ARHGAP24: variants seen among roughly 807,000 people sequenced by gnomAD.
ARHGAP24 encodes the protein Rho GTPase activating protein 24.
Under a neutral mutation model 76.4 loss-of-function variants are expected in ARHGAP24, and 50 were observed. The ratio of observed to expected loss-of-function variants is 0.65; its 90% CI spans 0.52 to 0.83. The LOEUF (loss-of-function observed/expected upper bound fraction) is 0.83, where lower values mean the gene tolerates loss of function less well. Ranked by LOEUF, ARHGAP24 falls within the 40% of genes least tolerant of loss-of-function variation. The pLI, the probability that ARHGAP24 is intolerant of heterozygous loss-of-function variation, is 0.00. For synonymous variants in ARHGAP24, 345 were observed against 323.3 expected (o/e 1.07, Z -0.72); for missense variants, 930 against 914.2 (o/e 1.02, Z -0.22).
At chr4:85,929,603 TG>T (rs780743065) in intron 4 of ARHGAP24, among the ~76,000 whole-genome samples, 14 of 152,280 alleles carry the variant, frequency 9.2e-5, no homozygotes, top group Non-Finnish European at 1.5e-4. Context: ...AAAACAGAAT[TG>T]GTTTGCAAAC....
chr4:85,724,366 A>G (rs1379807709), intron 3 of ARHGAP24, among the ~76,000 whole-genome samples: 5 of 152,162 alleles, frequency 3.3e-5, no homozygotes, highest in East Asian at 1.9e-4. Context: ...AAAACTAACA[A>G]AAGCCTCTAG....
chr4:85,918,140 A>G (rs565094728), intron 3 of ARHGAP24, among the ~76,000 whole-genome samples: 2 of 152,162 alleles, frequency 1.3e-5, no homozygotes, highest in Admixed American at 6.6e-5. Context: ...AGAGCAAAAA[A>G]TCTCCCAATC....
chr4:85,890,559 C>G (rs576122950), intron 3 of ARHGAP24, among the ~76,000 whole-genome samples: 1 of 152,308 alleles, frequency 6.6e-6, no homozygotes, highest in East Asian at 1.9e-4. Context: ...AAGTGAAAAT[C>G]TCAACCTCAG....
chr4:85,636,396 T>G (rs1279353749), intron 2 of ARHGAP24, among the ~76,000 whole-genome samples: 2 of 152,012 alleles, frequency 1.3e-5, no homozygotes, highest in South Asian at 2.1e-4. Flanking sequence ...GACACTTGAG[T>G]GTTCTGCTGT....
chr4:85,713,290 A>C (rs1244239034), intron 2 of ARHGAP24, among the ~76,000 whole-genome samples: 3 of 152,140 alleles, frequency 2.0e-5, no homozygotes, highest in Non-Finnish European at 2.9e-5. Context: ...TGGGTGAAAG[A>C]GTCAGACCCT....
At position 85,619,128 on chromosome 4, in the gene ARHGAP24, A is replaced by C. The variant is rs530387909; in HGVS notation, c.180+48407A>C. Among the ~76,000 whole-genome samples, 4 of 152,130 alleles carry C rather than the reference A, an allele frequency of 2.6e-5. No individual in the cohort carries two copies. The South Asian group carries it at 8.3e-4, about 32-fold the overall frequency. On this transcript the variant is annotated intron_variant, in intron 2 of 9. Coordinates refer to ENST00000395184, the MANE Select transcript of ARHGAP24 (RefSeq NM_001025616.3). ...GCATTTAAACCTTTAATTCATTTTGAGTTAATTTTTGTATATAGTGTAAGA... is the reference window on the plus strand; with the variant it reads ...GCATTTAAACCTTTAATTCATTTTGCGTTAATTTTTGTATATAGTGTAAGA...
At chr4:85,966,173 A>G (rs1325926467) in intron 5 of ARHGAP24, among the ~76,000 whole-genome samples, 1 of 152,118 alleles carries the variant, frequency 6.6e-6, no homozygotes, top group Non-Finnish European at 1.5e-5. Flanking sequence ...CATTTTATAA[A>G]AGCCCTAATC....
At chr4:85,575,043 T>C (rs945244051) in intron 2 of ARHGAP24, among the ~76,000 whole-genome samples, 5 of 152,188 alleles carry the variant, frequency 3.3e-5, no homozygotes, top group African/African-American at 9.6e-5. Context: ...TAGCCAACAA[T>C]ACCTGGCAAT....
At chr4:85,492,757 T>G (rs1723409814) in intron 1 of ARHGAP24, among the ~76,000 whole-genome samples, 1 of 152,224 alleles carries the variant, frequency 6.6e-6, no homozygotes, top group Non-Finnish European at 1.5e-5. Flanking sequence ...GCAAAATGTA[T>G]TCCCATATAA....
chr4:85,494,482 C>T (rs1027828848), intron 1 of ARHGAP24, among the ~76,000 whole-genome samples: 6 of 151,700 alleles, frequency 4.0e-5, no homozygotes, highest in Admixed American at 6.6e-5. Flanking sequence ...GTCAAGAGAT[C>T]GAGACCATCC....
intron 1 of ARHGAP24, among the ~76,000 whole-genome samples, chr4:85,562,776 G>A (rs982095861): frequency 1.3e-5 from 2 of 152,156 alleles, no homozygotes; most frequent in Non-Finnish European, 2.9e-5. Flanking sequence ...CAGGAATGGC[G>A]TGATTGGGAC....
intron 3 of ARHGAP24, among the ~76,000 whole-genome samples, chr4:85,852,932 G>C: frequency 6.6e-6 from 1 of 152,232 alleles, no homozygotes; most frequent in East Asian, 1.9e-4. Flanking sequence ...CGGGGGTCAG[G>C]GACCCACTTG....
chr4:85,996,697 A>G (rs1164978370), intron 9 of ARHGAP24, among the ~76,000 whole-genome samples: 1 of 152,172 alleles, frequency 6.6e-6, no homozygotes, highest in Non-Finnish European at 1.5e-5. Context: ...TGTGGTTTGA[A>G]TTTTTCTATA....
At chr4:85,626,088 G>T (rs948070594) in intron 2 of ARHGAP24, among the ~76,000 whole-genome samples, 22 of 152,144 alleles carry the variant, frequency 1.4e-4, no homozygotes, top group East Asian at 9.7e-4. Context: ...TTAATATTGT[G>T]ATGTGTGAAT....
intron 3 of ARHGAP24, among the ~76,000 whole-genome samples, chr4:85,890,041 C>T (rs976183084): frequency 6.6e-6 from 1 of 152,150 alleles, no homozygotes; most frequent in East Asian, 1.9e-4. Context: ...TCCTTCCCAT[C>T]ATGCTGTCAG....
intron 2 of ARHGAP24, among the ~76,000 whole-genome samples, chr4:85,587,825 A>T (rs370525281): frequency 2.6e-5 from 4 of 152,292 alleles, no homozygotes; most frequent in African/African-American, 9.6e-5. Context: ...TGCTTGATCT[A>T]AAACAAGTCA....
intron 5 of ARHGAP24, among the ~76,000 whole-genome samples, chr4:85,953,728 C>T (rs1000855365): frequency 1.3e-5 from 2 of 151,872 alleles, no homozygotes; most frequent in African/African-American, 2.4e-5. Context: ...AGCAGAGAGA[C>T]TGGCAGAGAG....
intron 2 of ARHGAP24, among the ~76,000 whole-genome samples, chr4:85,617,452 T>A (rs1720578764): frequency 6.6e-6 from 1 of 152,032 alleles, no homozygotes; most frequent in South Asian, 2.1e-4. Flanking sequence ...ATATTGTTCC[T>A]CTTTGTTATA....
At chr4:85,487,299 ATATT>A (rs1404731517) in intron 1 of ARHGAP24, among the ~76,000 whole-genome samples, 2 of 121,990 alleles carry the variant, frequency 1.6e-5, no homozygotes, top group Non-Finnish European at 3.2e-5. Context: ...GTAAATATAT[ATATT>A]TATTATATAT....
Sources: allele counts gnomAD v4.1 joint callset (sites outside exome capture counted in the v4.1 genomes callset), GRCh38; gene constraint gnomAD v4.1.1; transcripts MANE v1.5; gene names NCBI Gene and HGNC (gene_info 2026-07-23, HGNC 2026-07-21).